TDP1: variants seen among roughly 807,000 people sequenced by gnomAD.
TDP1 encodes tyrosyl-DNA phosphodiesterase 1.
Under a neutral mutation model 81.5 loss-of-function variants are expected in TDP1, and 64 were observed. That is an observed-to-expected ratio of 0.79 (90% CI 0.64 to 0.97). The LOEUF is 0.97. Among genes scored for constraint, TDP1 ranks in the 50% least tolerant of loss-of-function variants. The pLI is 0.00. For missense variants in TDP1, 723 were observed against 743.8 expected, an observed-to-expected ratio of 0.97 and a Z score of 0.33; for synonymous variants, 256 against 264.3, an observed-to-expected ratio of 0.97 and a Z score of 0.30.
At chr14:90,032,946 T>A in intron 15 of TDP1, 160 bp from the exon 16 acceptor site, 5 of 653,928 alleles carry the variant, frequency 7.6e-6, no homozygotes, top group Non-Finnish European at 9.5e-6. Flanking sequence ...GGCGGGGGGG[T>A]TGTAAATATA....
At chr14:89,988,534 A>G (rs1397323402) in intron 10 of TDP1, 2 of 930,542 alleles carry the variant, frequency 2.1e-6, no homozygotes, top group African/African-American at 1.8e-5. Context: ...CATATTTCAT[A>G]GCATCAAAGC....
chr14:90,002,581 G>A (rs1201682991), intron 14 of TDP1, among the ~76,000 whole-genome samples: 1 of 151,844 alleles, frequency 6.6e-6, no homozygotes, highest in African/African-American at 2.4e-5. Flanking sequence ...ACCTTAAGAC[G>A]TATTCAAGCT....
chr14:90,005,289 C>G (rs543901399), intron 14 of TDP1, among the ~76,000 whole-genome samples: 2 of 152,152 alleles, frequency 1.3e-5, no homozygotes, highest in Non-Finnish European at 2.9e-5. Flanking sequence ...CTGGAAACCC[C>G]TTTCAGAAGC....
intron 6 of TDP1, among the ~76,000 whole-genome samples, chr14:89,972,767 AT>A (rs1407894426): frequency 2.6e-5 from 4 of 152,148 alleles, no homozygotes; most frequent in Non-Finnish European, 5.9e-5. Flanking sequence ...ACCTTTTCCT[AT>A]TTCTTTTGGC....
intron 14 of TDP1, among the ~76,000 whole-genome samples, chr14:90,002,488 A>T (rs1287897342): frequency 6.6e-6 from 1 of 152,118 alleles, no homozygotes; most frequent in African/African-American, 2.4e-5. Flanking sequence ...TCTCATATTC[A>T]TTAGGCCTCT....
rs1461560545 is a variant in TDP1, at chr14:89,963,284, A to G, written c.170A>G (p.Lys57Arg). ...TCCGAGGCCCAGAAAGCTGCACACA[A>G]GAGGAAAATATCACCTGTGAAATTC... Reference protein sequence around the residue: ...TCSEAQKAAHKRKISPVKFSN... With the variant: ...TCSEAQKAAHRRKISPVKFSN... Residue 57 changes from lysine (K) to arginine (R), a missense_variant, in exon 3 of 17, where the codon AAG becomes AGG. Lys to Arg is a conservative substitution (Grantham distance 26). Coordinates refer to ENST00000335725, the MANE Select transcript of TDP1 (RefSeq NM_018319.4). The G allele has an allele frequency of 1.1e-5, 17 of 1,614,098 alleles. No individual in the cohort carries two copies. Among genetic ancestry groups the G allele is most frequent in the Non-Finnish European group, 1.4e-5 (17 of 1,180,040 alleles).
chr14:89,986,600 C>G (rs1895588740), intron 10 of TDP1, among the ~76,000 whole-genome samples: 1 of 152,240 alleles, frequency 6.6e-6, no homozygotes, highest in Admixed American at 6.5e-5. Context: ...TGCACCACAG[C>G]TTTCTTCCAG....
intron 8 of TDP1, among the ~76,000 whole-genome samples, chr14:89,981,211 T>A (rs1196628773): frequency 1.3e-5 from 2 of 152,214 alleles, no homozygotes; most frequent in African/African-American, 4.8e-5. Flanking sequence ...GAAACAAATT[T>A]AAGCTGGTGT....
At chr14:89,995,265 CTTAT>C (rs1220342795) in intron 14 of TDP1, among the ~76,000 whole-genome samples, 1 of 152,196 alleles carries the variant, frequency 6.6e-6, no homozygotes, top group African/African-American at 2.4e-5. Context: ...TGTGTATTTA[CTTAT>C]TTAATTCTCA....
In TDP1 at chr14:89,980,582, C is replaced by G. The variant is rs377532827; in HGVS notation, c.834C>G (p.Val278=). 7 of 1,614,002 alleles carry G rather than the reference C, an allele frequency of 4.3e-6. 1 individual carries two copies. In the African/African-American group the frequency reaches 9.3e-5, roughly 22 times the overall value. Reference sequence around the variant, plus strand: ...TCTATGAAGAAGGCCTCCGGGTTGTCATACACACCTCCAACCTCATCCATG... The same window carrying G: ...TCTATGAAGAAGGCCTCCGGGTTGTGATACACACCTCCAACCTCATCCATG... ...LLLYEEGLRV[V]IHTSNLIHAD... The change falls in exon 8 of 17, where the codon GTC becomes GTG. Residue 278 remains valine, a synonymous_variant. Coordinates refer to ENST00000335725, the MANE Select transcript of TDP1 (RefSeq NM_018319.4).
Position 89,963,399 on chromosome 14 carries a change from G to T in TDP1, c.285G>T (p.Glu95Asp), listed in dbSNP as rs35114462. The change falls in exon 3 of 17, where the codon GAG becomes GAT. Residue 95 changes from glutamate (E) to aspartate (D), a missense_variant. Coordinates refer to ENST00000335725, the MANE Select transcript of TDP1 (RefSeq NM_018319.4). ...LGWCLSSSDD[E>D]LQPEMPQKQA... ...GGTGTCTGTCCAGCAGTGATGATGAGCTGCAACCAGAAATGCCGCAGAAGC... is the reference window on the plus strand; with the variant it reads ...GGTGTCTGTCCAGCAGTGATGATGATCTGCAACCAGAAATGCCGCAGAAGC... The T allele has an allele frequency of 4.6e-4, 735 of 1,614,212 alleles. 2 individuals carry two copies. In the African/African-American group the frequency reaches 8.9e-3, roughly 20 times the overall value.
At chr14:89,987,961 C>T (rs1426747129) in intron 10 of TDP1, among the ~76,000 whole-genome samples, 6 of 152,180 alleles carry the variant, frequency 3.9e-5, no homozygotes, top group Non-Finnish European at 5.9e-5. Context: ...CCCTCAGACA[C>T]CAGTTGCAAG....
intron 2 of TDP1, among the ~76,000 whole-genome samples, chr14:89,958,077 T>C (rs941811704): frequency 5.3e-5 from 8 of 152,152 alleles, no homozygotes; most frequent in Non-Finnish European, 1.0e-4. Flanking sequence ...ATGTAGGGCT[T>C]GTGGATGGCC....
chr14:90,019,338 T>A lies in TDP1; in HGVS notation c.1564T>A (p.Trp522Arg). ...CAGCGCAAATCTGTCCAAGGCTGCC[T>A]GGGGAGCATTGGAGAAGAATGGCAC... ...VTSANLSKAA[W>R]GALEKNGTQL... The change falls in exon 15 of 17, where the codon TGG becomes AGG. Residue 522 changes from tryptophan to arginine, a missense_variant. Trp to Arg is a moderately radical substitution (Grantham distance 101). Transcript: ENST00000335725. 1 of 1,610,890 alleles carries A rather than the reference T, an allele frequency of 6.2e-7. No homozygotes were observed. The highest frequency in any genetic ancestry group is 8.5e-7 in the Non-Finnish European group (1 of 1,177,196).
rs547217238 is a variant in TDP1, at chr14:89,958,623, G to A, written c.-8+1823G>A. 2.4e-3 allele frequency among the ~76,000 whole-genome samples: 364 copies of A among 152,338 alleles called. 2 individuals carry two copies. The highest frequency in any genetic ancestry group is 4.3e-3 in the Non-Finnish European group (290 of 68,032). ...ATGACAATGTAAAAAACCAATTAGG[G>A]AAGGGTAGATATATGTAAAGTAGGT... On this transcript the variant is annotated intron_variant, in intron 2 of 16. Coordinates refer to ENST00000335725, the MANE Select transcript of TDP1 (RefSeq NM_018319.4).
At position 89,967,350 on chromosome 14, in the gene TDP1, T is replaced by A. The variant is rs553780629; in HGVS notation, c.604-17T>A. 13 of 1,613,366 alleles carry A rather than the reference T, an allele frequency of 8.1e-6. No homozygotes were observed. In the East Asian group the frequency reaches 2.7e-4, roughly 33 times the overall value. ...GAATTACCTATGGCTTAGTTACTCTTCTTTTCTCCCATCTAGTTTAACTAC... is the reference window on the plus strand; with the variant it reads ...GAATTACCTATGGCTTAGTTACTCTACTTTTCTCCCATCTAGTTTAACTAC... On this transcript the variant is annotated splice_polypyrimidine_tract_variant and intron_variant, in intron 4 of 16. Transcript: ENST00000335725.
At chr14:90,023,059 G>A (rs1173960978) in intron 15 of TDP1, 2 of 763,030 alleles carry the variant, frequency 2.6e-6, no homozygotes, top group South Asian at 2.7e-5. Flanking sequence ...AAAGGATGAA[G>A]TGGAGGCTTC....
At chr14:90,019,145 G>C in intron 14 of TDP1, 171 bp from the exon 15 acceptor site, 1 of 935,224 alleles carries the variant, frequency 1.1e-6, no homozygotes, top group South Asian at 4.9e-5. Flanking sequence ...GAGGATTAGA[G>C]AACAGCAGAT....
chr14:89,955,368 C>T (rs1386566232), upstream of TDP1: 1 of 152,210 alleles, frequency 6.6e-6, no homozygotes, highest in Non-Finnish European at 1.5e-5. Context: ...CCATAAACAG[C>T]ACCGAGCCCA....
Sources: gnomAD v4.1 joint callset for allele counts (sites outside exome capture counted in the v4.1 genomes callset) on GRCh38, gnomAD v4.1.1 for gene constraint, MANE v1.5 for transcripts, NCBI Gene and HGNC (gene_info 2026-07-23, HGNC 2026-07-21) for gene names.